ZFAND6: variants seen among roughly 807,000 people sequenced by gnomAD.
The protein encoded by ZFAND6 is zinc finger AN1-type containing 6, also known as AN1-type zinc finger protein 6.
A neutral mutation model predicts 24.5 loss-of-function variants in ZFAND6; 12 were observed. That is an observed-to-expected ratio of 0.49 (90% CI 0.31 to 0.79). The LOEUF (loss-of-function observed/expected upper bound fraction) is 0.79, where lower values mean the gene tolerates loss of function less well. Ranked by LOEUF, ZFAND6 falls within the 30% of genes least tolerant of loss-of-function variation. The pLI is 0.04. For synonymous variants in ZFAND6, 92 were observed against 81.5 expected (o/e 1.13, Z -0.69); for missense variants, 207 against 245.9 (o/e 0.84, Z 1.06).
At position 80,126,378 on chromosome 15, in the gene ZFAND6, C is replaced by G. The variant is rs186084348; in HGVS notation, c.364+3578C>G. On this transcript the variant is annotated intron_variant, in intron 5 of 6. Coordinates refer to ENST00000261749, the MANE Select transcript of ZFAND6 (RefSeq NM_019006.4). ...AAGTTGGAGGACTAACAATTCCTGG[C>G]TTCAAAATTGAGTACAAGCTACAGT... Among the ~76,000 whole-genome samples the G allele has an allele frequency of 2.2e-3, 330 of 152,238 alleles. 1 individual carries two copies. The highest frequency in any genetic ancestry group is 7.4e-3 in the African/African-American group (306 of 41,534).
intron 1 of ZFAND6, among the ~76,000 whole-genome samples, chr15:80,077,697 CTTT>C (rs11441423): frequency 3.5e-5 from 4 of 115,282 alleles, no homozygotes; most frequent in East Asian, 2.3e-4. Flanking sequence ...AGTTTTCTTT[CTTT>C]TTTTTTTTTT....
chr15:80,113,129 T>C (rs2039694650), intron 2 of ZFAND6, among the ~76,000 whole-genome samples: 1 of 152,214 alleles, frequency 6.6e-6, no homozygotes, highest in African/African-American at 2.4e-5. Context: ...TTCTTGAAAT[T>C]ATTAGTGAAG....
intron 1 of ZFAND6, among the ~76,000 whole-genome samples, chr15:80,096,973 A>G (rs1474360071): frequency 1.3e-5 from 2 of 151,806 alleles, no homozygotes; most frequent in Admixed American, 1.3e-4. Flanking sequence ...ACTGTTATAC[A>G]TTAAAGTTTA....
chr15:80,082,801 C>T (rs2095584557), intron 1 of ZFAND6, among the ~76,000 whole-genome samples: 1 of 152,002 alleles, frequency 6.6e-6, no homozygotes, highest in Non-Finnish European at 1.5e-5. Flanking sequence ...GAGTTTATAT[C>T]TTCTGGTTCT....
chr15:80,125,554 T>A (rs975099361), intron 5 of ZFAND6, among the ~76,000 whole-genome samples: 1 of 152,244 alleles, frequency 6.6e-6, no homozygotes, highest in Non-Finnish European at 1.5e-5. Context: ...TTATGTTTCA[T>A]TGAGAATTTA....
intron 1 of ZFAND6, among the ~76,000 whole-genome samples, chr15:80,077,072 A>G (rs1489466761): frequency 2.0e-5 from 3 of 152,176 alleles, no homozygotes; most frequent in Admixed American, 6.5e-5. Context: ...TGAATTCCTC[A>G]CGTTTAATAA....
rs1001388784 is a variant in ZFAND6, at chr15:80,085,745, G to T, written c.-180-12671G>T. On this transcript the variant is annotated intron_variant, in intron 1 of 6. Coordinates refer to ENST00000261749, the MANE Select transcript of ZFAND6 (RefSeq NM_019006.4). Reference sequence around the variant, plus strand: ...TTAAAATTCCTGGTGTGTTTTGTGTGTGTGTGTTTAACTTTAGGATATTTT... The same window carrying T: ...TTAAAATTCCTGGTGTGTTTTGTGTTTGTGTGTTTAACTTTAGGATATTTT... Among the ~76,000 whole-genome samples the T allele has an allele frequency of 2.0e-5, 3 of 152,060 alleles. No homozygotes were observed. In the South Asian group the frequency reaches 6.2e-4, roughly 32 times the overall value.
At chr15:80,105,544 C>T (rs961000369) in intron 2 of ZFAND6, among the ~76,000 whole-genome samples, 3 of 152,096 alleles carry the variant, frequency 2.0e-5, no homozygotes, top group Non-Finnish European at 2.9e-5. Context: ...TTGCAACTTA[C>T]GGGTTAAAGT....
At chr15:80,118,874 T>A (rs911935345) in intron 2 of ZFAND6, among the ~76,000 whole-genome samples, 2 of 152,184 alleles carry the variant, frequency 1.3e-5, no homozygotes, top group Non-Finnish European at 2.9e-5. Context: ...AGTCTTCAGA[T>A]AATGTAGAGG....
chr15:80,077,105 GT>G (rs540548433), intron 1 of ZFAND6, among the ~76,000 whole-genome samples: 27 of 152,360 alleles, frequency 1.8e-4, no homozygotes, highest in South Asian at 1.2e-3. Flanking sequence ...AAGCTGTGTA[GT>G]GGGAAGATTA....
intron 2 of ZFAND6, among the ~76,000 whole-genome samples, chr15:80,102,048 G>A (rs1418171462): frequency 6.6e-6 from 1 of 151,514 alleles, no homozygotes; most frequent in Admixed American, 6.6e-5. Context: ...CGCCTGTTTC[G>A]GCCTCCCAAA....
chr15:80,107,015 C>G (rs1184561823), intron 2 of ZFAND6, among the ~76,000 whole-genome samples: 2 of 152,006 alleles, frequency 1.3e-5, no homozygotes, highest in African/African-American at 2.4e-5. Flanking sequence ...GAGTTCAAGA[C>G]CAGCCTGATG....
chr15:80,107,946 A>G (rs995032327), intron 2 of ZFAND6, among the ~76,000 whole-genome samples: 3 of 152,110 alleles, frequency 2.0e-5, no homozygotes, highest in African/African-American at 7.2e-5. Flanking sequence ...CGCTTTGGGA[A>G]CTACTGATTT....
intron 3 of ZFAND6, among the ~76,000 whole-genome samples, chr15:80,120,964 G>C (rs1446111093): frequency 6.6e-6 from 1 of 152,168 alleles, no homozygotes; most frequent in East Asian, 1.9e-4. Flanking sequence ...TTCAACCCCA[G>C]TTCACTAGGG....
intron 5 of ZFAND6, among the ~76,000 whole-genome samples, chr15:80,129,298 G>A (rs933793347): frequency 1.3e-5 from 2 of 152,230 alleles, no homozygotes; most frequent in African/African-American, 2.4e-5. Flanking sequence ...TCCCCTGTCT[G>A]GTTTCAGCAT....
intron 1 of ZFAND6, among the ~76,000 whole-genome samples, chr15:80,073,874 T>C (rs1364381076): frequency 6.6e-6 from 1 of 151,952 alleles, no homozygotes; most frequent in Non-Finnish European, 1.5e-5. Flanking sequence ...TTTTAGGTTC[T>C]AATTTTTCGT....
chr15:80,111,443 A>T (rs1045058807), intron 2 of ZFAND6: 1 of 449,466 alleles, frequency 2.2e-6, no homozygotes, highest in Admixed American at 2.5e-5. Context: ...ACATCCTGGG[A>T]ATACTGTATT....
At chr15:80,120,700 A>G (rs1256651525) in intron 3 of ZFAND6, 1 of 346,076 alleles carries the variant, frequency 2.9e-6, no homozygotes, top group Non-Finnish European at 5.0e-6. Flanking sequence ...AATACTGTAA[A>G]TTCATACCAT....
At chr15:80,093,455 C>T (rs932588019) in intron 1 of ZFAND6, among the ~76,000 whole-genome samples, 3 of 151,752 alleles carry the variant, frequency 2.0e-5, no homozygotes, top group Non-Finnish European at 4.4e-5. Flanking sequence ...TGGCTGGGCG[C>T]GGTGGCTCAC....
Sources: gnomAD v4.1 joint callset for allele counts (sites outside exome capture counted in the v4.1 genomes callset) on GRCh38, gnomAD v4.1.1 for gene constraint, MANE v1.5 for transcripts, NCBI Gene and HGNC (gene_info 2026-07-23, HGNC 2026-07-21) for gene names.